Variants in NOL4 observed in about 807,000 individuals in gnomAD.
NOL4 encodes the protein nucleolar protein 4.
NOL4 carries 17 observed loss-of-function variants against 75.9 expected under a neutral mutation model. That is an observed-to-expected ratio of 0.22 (90% CI 0.15 to 0.34). NOL4 has a LOEUF of 0.34. Among genes scored for constraint, NOL4 ranks in the 10% least tolerant of loss-of-function variants. NOL4 has a pLI of 1.00. For synonymous variants in NOL4, 292 were observed against 289.9 expected (o/e 1.01, Z -0.07); for missense variants, 614 against 793.5 (o/e 0.77, Z 2.72).
At chr18:33,964,476 G>C (rs184574111) in intron 6 of NOL4, among the ~76,000 whole-genome samples, 22 of 151,062 alleles carry the variant, frequency 1.5e-4, no homozygotes, top group Admixed American at 4.0e-4. Context: ...ACAAAGAAAA[G>C]AAAGAAAAGA....
At chr18:33,989,489 A>G (rs1461976502) in intron 6 of NOL4, among the ~76,000 whole-genome samples, 1 of 152,110 alleles carries the variant, frequency 6.6e-6, no homozygotes, top group African/African-American at 2.4e-5. Flanking sequence ...AGAAAAAGAA[A>G]GATTCAATTT....
At chr18:33,903,192 G>A (rs565542726) in intron 9 of NOL4, among the ~76,000 whole-genome samples, 106 of 152,090 alleles carry the variant, frequency 7.0e-4, no homozygotes, top group Non-Finnish European at 1.3e-3. Flanking sequence ...CATGGTGAAA[G>A]GCAAATGGAA....
At chr18:33,886,629 A>T (rs577699525) in intron 9 of NOL4, among the ~76,000 whole-genome samples, 48 of 150,616 alleles carry the variant, frequency 3.2e-4, no homozygotes, top group African/African-American at 1.2e-3. Flanking sequence ...ACATATTAAA[A>T]TAACTCAGAG....
intron 6 of NOL4, among the ~76,000 whole-genome samples, chr18:33,986,748 A>C (rs2072491381): frequency 6.6e-6 from 1 of 151,990 alleles, no homozygotes; most frequent in Non-Finnish European, 1.5e-5. Context: ...TTATAGAATC[A>C]AAAAAAATCT....
At chr18:34,166,804 G>A (rs1384740468) in intron 1 of NOL4, among the ~76,000 whole-genome samples, 1 of 38,472 alleles carries the variant, frequency 2.6e-5, no homozygotes, top group South Asian at 5.2e-4. Flanking sequence ...TTGGGAGGCC[G>A]AGGCGGGTGG....
intron 5 of NOL4, among the ~76,000 whole-genome samples, chr18:34,049,070 GCGCGCA>G (rs1432242858): frequency 3.4e-4 from 15 of 44,072 alleles, no homozygotes; most frequent in East Asian, 1.6e-3. Flanking sequence ...AGATACAGGC[GCGCGCA>G]CACACACACA....
intron 1 of NOL4, among the ~76,000 whole-genome samples, chr18:34,131,669 T>C (rs763602929): frequency 6.6e-6 from 1 of 152,112 alleles, no homozygotes; most frequent in Admixed American, 6.6e-5. Context: ...GGAATAAATA[T>C]ATATTTGTCC....
At chr18:33,854,859 T>G (rs2062769975) in intron 10 of NOL4, among the ~76,000 whole-genome samples, 1 of 151,886 alleles carries the variant, frequency 6.6e-6, no homozygotes, top group Admixed American at 6.6e-5. Context: ...CTTTCTAAAG[T>G]GAGGGAGATT....
At chr18:33,902,944 T>G (rs992078768) in intron 9 of NOL4, among the ~76,000 whole-genome samples, 4 of 152,200 alleles carry the variant, frequency 2.6e-5, no homozygotes, top group African/African-American at 7.2e-5. Flanking sequence ...TTTGGTTAAA[T>G]GAATAACTAT....
chr18:34,222,187 G>A (rs2037364968), intron 1 of NOL4: 4 of 1,468,140 alleles, frequency 2.7e-6, no homozygotes, highest in Non-Finnish European at 3.6e-6. Context: ...AGTGCCTCGC[G>A]GCGCCTGGGC....
At chr18:33,909,908 G>A (rs1349929023) in intron 9 of NOL4, among the ~76,000 whole-genome samples, 3 of 152,106 alleles carry the variant, frequency 2.0e-5, no homozygotes, top group East Asian at 3.8e-4. Flanking sequence ...TAATGATTGG[G>A]GATGGGTGTT....
chr18:33,883,182 T>G lies in NOL4; in HGVS notation c.1723+62A>C. The G allele has an allele frequency of 2.3e-6, 3 of 1,307,736 alleles. No homozygotes were observed. The South Asian group carries it at 4.4e-5, about 19-fold the overall frequency. The allele number at this position is 1,307,736 out of a possible 1,614,324, so 81.0% of individuals were successfully genotyped here. A position where few individuals can be genotyped will look rare whatever the true frequency, so the allele number is the denominator to read the frequency against. On this transcript the variant is annotated intron_variant, in intron 10 of 10. Coordinates refer to ENST00000261592, the MANE Select transcript of NOL4 (RefSeq NM_003787.5). ...GTAACTAACCTGCGCAATGTGCACATGTACCCTAAAACTTAAAGTATAATA... is the reference window on the plus strand; with the variant it reads ...GTAACTAACCTGCGCAATGTGCACAGGTACCCTAAAACTTAAAGTATAATA...
At chr18:34,184,035 G>A (rs1043977968) in intron 1 of NOL4, among the ~76,000 whole-genome samples, 1 of 151,632 alleles carries the variant, frequency 6.6e-6, no homozygotes, top group Non-Finnish European at 1.5e-5. Context: ...GATATGAAAA[G>A]AATGAAATAA....
chr18:33,938,394 A>G (rs1599940358), intron 9 of NOL4, among the ~76,000 whole-genome samples: 1 of 152,186 alleles, frequency 6.6e-6, no homozygotes, highest in East Asian at 1.9e-4. Flanking sequence ...TATTTTTCCC[A>G]CCAACCGTGT....
At chr18:34,023,342 T>C (rs2144522140) in intron 5 of NOL4, 2 of 447,316 alleles carry the variant, frequency 4.5e-6, no homozygotes, top group Middle Eastern at 3.9e-4. Context: ...CCTCTCTCCC[T>C]AAAAGATACT....
chr18:34,222,918 C>T, intron 1 of NOL4, 72 bp downstream of exon 1: 1 of 1,560,388 alleles, frequency 6.4e-7, no homozygotes, highest in Non-Finnish European at 8.6e-7. Context: ...CCCTCTCTCC[C>T]GCCTCTCTCC....
chr18:34,089,085 C>A (rs1478547906), intron 5 of NOL4, among the ~76,000 whole-genome samples: 2 of 151,934 alleles, frequency 1.3e-5, no homozygotes, highest in Non-Finnish European at 2.9e-5. Flanking sequence ...TTAATGAATA[C>A]TTTTCAAATT....
intron 1 of NOL4, among the ~76,000 whole-genome samples, chr18:34,160,922 CTT>C (rs1261287013): frequency 2.6e-5 from 4 of 152,174 alleles, no homozygotes; most frequent in African/African-American, 9.7e-5. Context: ...AGTTATTCCT[CTT>C]ATATAGGCAT....
intron 2 of NOL4, among the ~76,000 whole-genome samples, chr18:34,120,688 G>A (rs1383455388): frequency 6.6e-6 from 1 of 152,188 alleles, no homozygotes; most frequent in African/African-American, 2.4e-5. Flanking sequence ...GAAATGAAAA[G>A]TGAATGTGCT....
Sources: gnomAD v4.1 joint callset for allele counts (sites outside exome capture counted in the v4.1 genomes callset) on GRCh38, gnomAD v4.1.1 for gene constraint, MANE v1.5 for transcripts, NCBI Gene and HGNC (gene_info 2026-07-23, HGNC 2026-07-21) for gene names.